Variants in UBAP2L observed in about 807,000 individuals in gnomAD.
The protein encoded by UBAP2L is ubiquitin-associated protein 2-like.
UBAP2L carries 12 observed loss-of-function variants against 130.6 expected under a neutral mutation model. The ratio of observed to expected loss-of-function variants is 0.09; its 90% CI spans 0.06 to 0.15. The LOEUF is 0.15. Among genes scored for constraint, UBAP2L ranks in the 10% least tolerant of loss-of-function variants. The pLI is 1.00. For missense variants in UBAP2L, 965 were observed against 1,332.5 expected (o/e 0.72, Z 4.29); for synonymous variants, 503 against 524.7 (o/e 0.96, Z 0.57).
chr1:154,254,686 C>A, intron 15 of UBAP2L, 150 bp from the exon 16 acceptor site: 1 of 866,522 alleles, frequency 1.2e-6, no homozygotes, highest in Non-Finnish European at 1.8e-6. Context: ...TTTGGATAGT[C>A]TACATTGTAT....
In UBAP2L at chr1:154,258,968, A is replaced by G. The variant is rs777671056; in HGVS notation, c.2443-9A>G. 3.1e-6 allele frequency: 5 copies of G among 1,613,498 alleles called. No individual in the cohort carries two copies. The South Asian group carries it at 4.4e-5, about 14-fold the overall frequency. On this transcript the variant is annotated splice_polypyrimidine_tract_variant and intron_variant, in intron 20 of 26. Coordinates refer to ENST00000428931, the MANE Select transcript of UBAP2L (RefSeq NM_014847.4). ...GTTCCTGTTATTGCTATATGTCTGT[A>G]TCTTTCAGCCACAAGTATATGGTTA...
chr1:154,261,062 G>A lies in UBAP2L; in HGVS notation c.2749G>A (p.Val917Ile), dbSNP rs1269565671. ...SYTSLPYYTGVPGLPSTFQYG... is the reference protein window; with the variant it reads ...SYTSLPYYTGIPGLPSTFQYG... ...CACCAGCCTGCCATACTATACAGGG[G>A]TCCCGGGCCTCCCCAGCACCTTCCA... The change falls in exon 23 of 27, where the codon GTC becomes ATC. Residue 917 changes from valine (V) to isoleucine (I), a missense_variant. By Grantham distance (29) the Val-to-Ile change is conservative (BLOSUM62 3). This residue lies in a region of UBAP2L where 194 missense variants were observed against 334.0 expected (regional missense o/e 0.58). Coordinates refer to ENST00000428931, the MANE Select transcript of UBAP2L (RefSeq NM_014847.4). 1 of 1,614,070 alleles carries A rather than the reference G, an allele frequency of 6.2e-7. No individual in the cohort carries two copies. Among genetic ancestry groups the A allele is most frequent in the East Asian group, 2.2e-5 (1 of 44,900 alleles).
intron 26 of UBAP2L, 133 bp downstream of exon 26, chr1:154,269,087 C>T: frequency 1.8e-6 from 2 of 1,105,626 alleles, no homozygotes; most frequent in East Asian, 2.6e-5. Flanking sequence ...GTCATGGGCA[C>T]ACAGCACATA....
intron 20 of UBAP2L, chr1:154,257,770 A>C: frequency 3.2e-6 from 1 of 316,724 alleles, no homozygotes; most frequent in African/African-American, 2.1e-5. Flanking sequence ...AAAATACTAA[A>C]CTGAGGCCAA....
chr1:154,270,488 T>C lies in UBAP2L; in HGVS notation c.*193T>C. 6.8e-7 allele frequency: 1 copy of C among 1,467,312 alleles called. No homozygotes were observed. The highest frequency in any genetic ancestry group is 9.0e-7 in the Non-Finnish European group (1 of 1,115,722). 90.9% of individuals were successfully genotyped at this position (1,467,312 alleles called of 1,614,324 possible). ...CCACCCTGTTGTATGTATTATAGGA[T>C]TTGTATTTTCTCCTTTTTTTTCCCC... is the stretch of plus-strand genomic sequence containing the variant. On this transcript the variant is annotated 3_prime_UTR_variant, in exon 27 of 27. Coordinates refer to ENST00000428931, the MANE Select transcript of UBAP2L (RefSeq NM_014847.4).
intron 20 of UBAP2L, 148 bp downstream of exon 20, chr1:154,257,582 G>A: frequency 1.3e-6 from 1 of 777,702 alleles, no homozygotes; most frequent in Non-Finnish European, 2.0e-6. Flanking sequence ...ATGTATATGA[G>A]TTTTGCATTC....
At chr1:154,241,605 C>T (rs759484602) in intron 9 of UBAP2L, 40 bp downstream of exon 9, 69 of 1,610,772 alleles carry the variant, frequency 4.3e-5, no homozygotes, top group Non-Finnish European at 5.9e-5. Context: ...TGCCTTCTAT[C>T]CCTAAGTGTT....
chr1:154,233,080 C>G (rs9943093), intron 4 of UBAP2L, among the ~76,000 whole-genome samples: 64,260 of 151,072 alleles, frequency 0.43, 14,245 homozygotes, highest in South Asian at 0.64. Flanking sequence ...ATGGCAGGAT[C>G]TCAGCTTACT....
rs1681536275 is a variant in UBAP2L at position 154,261,490 on chromosome 1, G to C, written c.2797-102G>C. The C allele has an allele frequency of 1.4e-5, 15 of 1,105,050 alleles. No individual in the cohort carries two copies. In the South Asian group the frequency reaches 1.9e-4, roughly 14 times the overall value. The allele number at this position is 1,105,050 out of a possible 1,614,324, so 68.5% of individuals were successfully genotyped here. ...AGCAAACTGTAGTCAACTTGCATCA[G>C]GATAGGTAGCCATCTGAATGGCCAG... On this transcript the variant is annotated intron_variant, in intron 23 of 26. Coordinates refer to ENST00000428931, the MANE Select transcript of UBAP2L (RefSeq NM_014847.4).
chr1:154,233,980 T>A lies in UBAP2L; in HGVS notation c.280-611T>A, dbSNP rs1670787482. Among the ~76,000 whole-genome samples the A allele has an allele frequency of 2.0e-5, 3 of 151,992 alleles. No homozygotes were observed. In the South Asian group the frequency reaches 6.2e-4, roughly 32 times the overall value. On this transcript the variant is annotated intron_variant, in intron 4 of 26. Transcript: ENST00000428931. ...CTGAATTAGATAGAGGTCTTTGTAA[T>A]CCTCTTGGAAGTGATCCCTGCAATG...
At chr1:154,221,248 G>C (rs1260069008) in intron 1 of UBAP2L, 3 of 152,828 alleles carry the variant, frequency 2.0e-5, no homozygotes, top group Non-Finnish European at 4.4e-5. Context: ...TCGCGGCCTA[G>C]TGGGCCGCGC....
At chr1:154,231,288 C>CTT (rs5777894) in intron 4 of UBAP2L, among the ~76,000 whole-genome samples, 2 of 138,352 alleles carry the variant, frequency 1.4e-5, no homozygotes, top group Non-Finnish European at 1.5e-5. Context: ...CCACACTTGG[C>CTT]TTTTTTTTTT....
intron 10 of UBAP2L, 100 bp from the exon 11 acceptor site, chr1:154,246,104 C>G: frequency 7.5e-7 from 1 of 1,335,358 alleles, no homozygotes; most frequent in South Asian, 1.5e-5. Context: ...TAGAAGAAGC[C>G]CCAGCAAGTG....
chr1:154,270,731 A>G lies in UBAP2L; in HGVS notation c.*436A>G. 1.4e-6 allele frequency: 2 copies of G among 1,424,086 alleles called. No homozygotes were observed. Among genetic ancestry groups the G allele is most frequent in the Non-Finnish European group, 1.8e-6 (2 of 1,096,346 alleles). 88.2% of individuals were successfully genotyped at this position (1,424,086 alleles called of 1,614,324 possible). A position where few individuals can be genotyped will look rare whatever the true frequency, so the allele number is the denominator to read the frequency against. On this transcript the variant is annotated 3_prime_UTR_variant, in exon 27 of 27. Coordinates refer to ENST00000428931, the MANE Select transcript of UBAP2L (RefSeq NM_014847.4). ...AAAAAATGGCGTCATGAATATGAAC[A>G]GCATTGTCAGATGAATTAGTTGAAG...
At chr1:154,255,957 C>G (rs1484582992) in intron 18 of UBAP2L, among the ~76,000 whole-genome samples, 1 of 152,188 alleles carries the variant, frequency 6.6e-6, no homozygotes, top group East Asian at 1.9e-4. Context: ...CTGGGTCATT[C>G]CTAAAAGCCC....
intron 24 of UBAP2L, chr1:154,263,100 T>C: frequency 6.4e-7 from 1 of 1,551,884 alleles, no homozygotes; most frequent in Non-Finnish European, 8.7e-7. Flanking sequence ...TGATTCCTTT[T>C]AGGAAGAAAA....
chr1:154,261,058 A>T lies in UBAP2L; in HGVS notation c.2745A>T (p.Thr915=). ...GYSYTSLPYY[T]GVPGLPSTFQ... ...GTTACACCAGCCTGCCATACTATACAGGGGTCCCGGGCCTCCCCAGCACCT... is the reference window on the plus strand; with the variant it reads ...GTTACACCAGCCTGCCATACTATACTGGGGTCCCGGGCCTCCCCAGCACCT... The change falls in exon 23 of 27, where the codon ACA becomes ACT. Residue 915 remains threonine, a synonymous_variant. Coordinates refer to ENST00000428931, the MANE Select transcript of UBAP2L (RefSeq NM_014847.4). 1 of 1,614,134 alleles carries T rather than the reference A, an allele frequency of 6.2e-7. No homozygotes were observed. Among genetic ancestry groups the T allele is most frequent in the Non-Finnish European group, 8.5e-7 (1 of 1,180,028 alleles).
intron 10 of UBAP2L, among the ~76,000 whole-genome samples, chr1:154,245,913 G>GAAAC (rs34188388): frequency 9.2e-4 from 140 of 151,810 alleles, no homozygotes; most frequent in Non-Finnish European, 1.7e-3. Flanking sequence ...AGACTTTCTC[G>GAAAC]AAACAAACAA....
chr1:154,220,634 C>T (rs1185370673), upstream of UBAP2L: 2 of 588,530 alleles, frequency 3.4e-6, no homozygotes, highest in Non-Finnish European at 6.1e-6. Context: ...CTCAGGCAGG[C>T]AATGGCACCC....
Sources: allele counts gnomAD v4.1 joint callset (sites outside exome capture counted in the v4.1 genomes callset), GRCh38; gene constraint gnomAD v4.1.1; regional missense constraint gnomAD v4.1.1; transcripts MANE v1.5; gene names NCBI Gene and HGNC (gene_info 2026-07-23, HGNC 2026-07-21).